Variants in TRIM66 observed in about 807,000 individuals in gnomAD.
The protein encoded by TRIM66 is tripartite motif containing 66.
TRIM66 carries 99 observed loss-of-function variants against 148.2 expected under a neutral mutation model. The observed-to-expected ratio is 0.67, with a 90% confidence interval of 0.57 to 0.79. The LOEUF (loss-of-function observed/expected upper bound fraction) is 0.79. Ranked by LOEUF, TRIM66 falls within the 30% of genes least tolerant of loss-of-function variation. The pLI, the probability that TRIM66 is intolerant of heterozygous loss-of-function variation, is 0.00. For missense variants in TRIM66, 1,666 were observed against 1,697.9 expected (o/e 0.98, Z 0.33); for synonymous variants, 616 against 635.9 (o/e 0.97, Z 0.47).
chr11:8,678,116 T>C (rs1008451999), intron 3 of TRIM66: 4 of 152,126 alleles, frequency 2.6e-5, no homozygotes, highest in Admixed American at 2.6e-4. Flanking sequence ...ATAAAATGAA[T>C]CACAAAAATG....
At chr11:8,667,257 AAC>A (rs1036689670) in intron 6 of TRIM66, among the ~76,000 whole-genome samples, 1 of 152,218 alleles carries the variant, frequency 6.6e-6, no homozygotes, top group African/African-American at 2.4e-5. Flanking sequence ...CCTAGAAGAA[AAC>A]AGAGGGGAAA....
chr11:8,667,627 C>T (rs1331080644), intron 6 of TRIM66, among the ~76,000 whole-genome samples: 1 of 152,232 alleles, frequency 6.6e-6, no homozygotes, highest in Non-Finnish European at 1.5e-5. Context: ...ACGAAGCTGA[C>T]TACTCTGAAC....
At chr11:8,671,579 T>C (rs781650274) in intron 6 of TRIM66, among the ~76,000 whole-genome samples, 3 of 152,188 alleles carry the variant, frequency 2.0e-5, no homozygotes, top group Non-Finnish European at 4.4e-5. Context: ...ATCCCAAACA[T>C]GAAAAGTTCC....
chr11:8,641,199 C>T (rs1414397079), intron 13 of TRIM66, 47 bp from the exon 14 acceptor site: 17 of 1,484,344 alleles, frequency 1.1e-5, no homozygotes, highest in Non-Finnish European at 1.5e-5. Flanking sequence ...TCAAGTTGCT[C>T]CCACCTTGCT....
At chr11:8,650,967 T>G (rs1008474956) in intron 7 of TRIM66, among the ~76,000 whole-genome samples, 1 of 152,256 alleles carries the variant, frequency 6.6e-6, no homozygotes, top group African/African-American at 2.4e-5. Context: ...ACCTGGGCTC[T>G]GCCTGATCTG....
At position 8,621,301 on chromosome 11, in the gene TRIM66, A is replaced by G. The variant is rs1209441254; in HGVS notation, c.3276T>C (p.Ser1092=). 6.4e-7 allele frequency: 1 copy of G among 1,551,454 alleles called. No homozygotes were observed. Among genetic ancestry groups the G allele is most frequent in the African/African-American group, 1.4e-5 (1 of 73,054 alleles). ...MSIKVSQDRL[S]EATQAPGLEG... is the part of the protein sequence containing the mutation. ...CCAGACCTGGGGCCTGGGTGGCCTC[A>G]GACAGTCTGTCCTGGCTGACCTTGG... Residue 1092 remains serine, a synonymous_variant, in exon 20 of 25, where the codon TCT becomes TCC. Transcript: ENST00000646038.
rs902457874 is a variant in TRIM66, at chr11:8,672,115, A to G, written c.28-17T>C. 6.5e-6 allele frequency: 10 copies of G among 1,529,712 alleles called. No individual in the cohort carries two copies. Among genetic ancestry groups the G allele is most frequent in the Non-Finnish European group, 7.9e-6 (9 of 1,144,002 alleles). The allele number at this position is 1,529,712 out of a possible 1,614,324, so 94.8% of individuals were successfully genotyped here. On this transcript the variant is annotated splice_polypyrimidine_tract_variant and intron_variant, in intron 5 of 24. Transcript: ENST00000646038. ...CTCCACTCCCTGTAAGTGAAGCACA[A>G]AGCAGAGTGATCTACTTATTTTGAG...
rs899228067 is a variant in TRIM66, at chr11:8,613,059, A to G, written c.*4885T>C. 1.3e-5 allele frequency: 2 copies of G among 152,266 alleles called. No homozygotes were observed. Among genetic ancestry groups the G allele is most frequent in the African/African-American group, 4.8e-5 (2 of 41,448 alleles). The allele number at this position is 152,266 out of a possible 1,614,324, so 9.4% of individuals were successfully genotyped here. A position where few individuals can be genotyped will look rare whatever the true frequency, so the allele number is the denominator to read the frequency against. On this transcript the variant is annotated 3_prime_UTR_variant, in exon 25 of 25. Transcript: ENST00000646038. The stretch of plus-strand genomic sequence containing the variant: ...TGCTGTCCTCCCAGCAGGAGCTCAT[A>G]AACATGGTTGGCATGAGGAGAACTG...
At chr11:8,638,856 A>C in intron 14 of TRIM66, 41 bp from the exon 15 acceptor site, 1 of 1,539,582 alleles carries the variant, frequency 6.5e-7, no homozygotes, top group South Asian at 1.2e-5. Context: ...TTTACTGCAG[A>C]CAGCGTAGCA....
At chr11:8,654,852 T>G (rs927215345) in intron 6 of TRIM66, among the ~76,000 whole-genome samples, 1 of 152,088 alleles carries the variant, frequency 6.6e-6, no homozygotes, top group Non-Finnish European at 1.5e-5. Context: ...ATTTCTGTTT[T>G]GTTTTTGTTT....
At position 8,629,683 on chromosome 11, in the gene TRIM66, T is replaced by C. The variant is rs183165363; in HGVS notation, c.2311-4455A>G. ...ATTGCGGAAACTCCATGGCAGTTTATTTTGAGGTGAACCTGATGAACCTGG... is the reference window on the plus strand; with the variant it reads ...ATTGCGGAAACTCCATGGCAGTTTACTTTGAGGTGAACCTGATGAACCTGG... On this transcript the variant is annotated intron_variant, in intron 15 of 24. Coordinates refer to ENST00000646038, the MANE Select transcript of TRIM66 (RefSeq NM_001388022.1). 9.8e-5 allele frequency among the ~76,000 whole-genome samples: 15 copies of C among 152,320 alleles called. No individual in the cohort carries two copies. The East Asian group carries it at 2.9e-3, about 29-fold the overall frequency.
chr11:8,619,326 C>T (rs2033975470), intron 23 of TRIM66, 57 bp downstream of exon 23: 3 of 1,414,320 alleles, frequency 2.1e-6, no homozygotes, highest in Admixed American at 5.5e-5. Context: ...CCTACCCACC[C>T]ATGACAGTCC....
chr11:8,618,485 T>C (rs1037455517), intron 24 of TRIM66, among the ~76,000 whole-genome samples: 3 of 152,198 alleles, frequency 2.0e-5, no homozygotes, highest in Non-Finnish European at 2.9e-5. Flanking sequence ...GACAACTGGT[T>C]TCTCAGCCCA....
rs1022019991 is a variant in TRIM66 at position 8,616,848 on chromosome 11, C to T, written c.*1096G>A. On this transcript the variant is annotated 3_prime_UTR_variant, in exon 25 of 25. Transcript: ENST00000646038. ...CAGAAAAGTGTTGGCTTTTTTGGGG[C>T]TGTAGACAGCCTGGAGGCGGGCTGG... The T allele has an allele frequency of 2.0e-5, 3 of 152,190 alleles. No individual in the cohort carries two copies. Among genetic ancestry groups the T allele is most frequent in the African/African-American group, 7.2e-5 (3 of 41,440 alleles). 9.4% of individuals were successfully genotyped at this position (152,190 alleles called of 1,614,324 possible). A position where few individuals can be genotyped will look rare whatever the true frequency, so the allele number is the denominator to read the frequency against.
intron 1 of TRIM66, among the ~76,000 whole-genome samples, chr11:8,681,194 C>A (rs375965891): frequency 6.7e-6 from 1 of 149,742 alleles, no homozygotes; most frequent in African/African-American, 2.5e-5. Context: ...AGTGCAGTGG[C>A]GCGATCTCGG....
Position 8,676,439 on chromosome 11 carries a change from A to AC in TRIM66, c.-189-1557dup, listed in dbSNP as rs58687341. The stretch of plus-strand genomic sequence containing the variant: ...TGAACTCCCTGAAACGGTCTCAGGG[A>AC]CCCCCCACCCCATAAGGTCTACAGA... On this transcript the variant is annotated intron_variant, in intron 3 of 24. Transcript: ENST00000646038. 1.2e-4 allele frequency among the ~76,000 whole-genome samples: 18 copies of AC among 152,026 alleles called. No individual in the cohort carries two copies. The East Asian group carries it at 1.5e-3, about 13-fold the overall frequency.
At position 8,612,978 on chromosome 11, in the gene TRIM66, CA is replaced by C. The variant is rs2033489089; in HGVS notation, c.*4965del. On this transcript the variant is annotated 3_prime_UTR_variant, in exon 25 of 25. Transcript: ENST00000646038. ...GGCTGACTTAGATGGGGTCTCTTAG[CA>C]AACAGGCTAAAACCTCTGTGTTGTC... 6.6e-6 allele frequency: 1 copy of C among 152,212 alleles called. No individual in the cohort carries two copies. The highest frequency in any genetic ancestry group is 2.4e-5 in the African/African-American group (1 of 41,438). The allele number at this position is 152,212 out of a possible 1,614,324, so 9.4% of individuals were successfully genotyped here.
chr11:8,665,214 A>G (rs1039899310), intron 6 of TRIM66, among the ~76,000 whole-genome samples: 4 of 152,200 alleles, frequency 2.6e-5, no homozygotes, highest in African/African-American at 9.7e-5. Flanking sequence ...TGACTGCACT[A>G]AAAACTCTCT....
At chr11:8,627,326 C>G (rs1239128710) in intron 15 of TRIM66, among the ~76,000 whole-genome samples, 1 of 152,156 alleles carries the variant, frequency 6.6e-6, no homozygotes, top group African/African-American at 2.4e-5. Context: ...CAGCTTAGGT[C>G]TACTGACAAC....
Sources: allele counts gnomAD v4.1 joint callset (sites outside exome capture counted in the v4.1 genomes callset), GRCh38; gene constraint gnomAD v4.1.1; transcripts MANE v1.5; gene names NCBI Gene and HGNC (gene_info 2026-07-23, HGNC 2026-07-21).